Variants in KAZN observed in about 807,000 individuals in gnomAD.
KAZN encodes kazrin, periplakin interacting protein.
Under a neutral mutation model 87.4 loss-of-function variants are expected in KAZN, and 40 were observed. That is an observed-to-expected ratio of 0.46 (90% CI 0.36 to 0.60). The LOEUF is 0.60. KAZN is among the 20% of genes least tolerant of loss of function. The pLI is 0.00. For missense variants in KAZN, 898 were observed against 1,073.9 expected (o/e 0.84, Z 2.29); for synonymous variants, 466 against 458.3 (o/e 1.02, Z -0.22).
chr1:14,654,286 T>G (rs534517402), intron 1 of KAZN, among the ~76,000 whole-genome samples: 28 of 58,270 alleles, frequency 4.8e-4, no homozygotes, highest in Admixed American at 4.0e-3. Flanking sequence ...AGGCTTCGTC[T>G]CAAAAAAAAA....
At chr1:14,465,063 G>T (rs1331007010) in intron 2 of KAZN, among the ~76,000 whole-genome samples, 1 of 152,104 alleles carries the variant, frequency 6.6e-6, no homozygotes, top group Non-Finnish European at 1.5e-5. Flanking sequence ...GAGGTCATTT[G>T]CTGCTATTTA....
intron 1 of KAZN, among the ~76,000 whole-genome samples, chr1:14,771,921 G>C (rs957726779): frequency 2.0e-5 from 3 of 152,148 alleles, no homozygotes; most frequent in Non-Finnish European, 4.4e-5. Flanking sequence ...TGAGATCAAG[G>C]ATATGAAATT....
intron 1 of KAZN, among the ~76,000 whole-genome samples, chr1:14,898,370 GA>G (rs1249799665): frequency 1.3e-5 from 2 of 152,208 alleles, no homozygotes; most frequent in African/African-American, 4.8e-5. Flanking sequence ...CAGAAGAGCA[GA>G]AATGTGGTCC....
chr1:14,181,850 T>C (rs1570955178), intron 2 of KAZN, among the ~76,000 whole-genome samples: 1 of 152,180 alleles, frequency 6.6e-6, no homozygotes, highest in East Asian at 1.9e-4. Flanking sequence ...CTGGTCCCAA[T>C]CCTGTAGCCA....
intron 1 of KAZN, among the ~76,000 whole-genome samples, chr1:14,915,894 C>G (rs969215513): frequency 3.9e-5 from 6 of 152,196 alleles, no homozygotes; most frequent in Non-Finnish European, 8.8e-5. Flanking sequence ...AAGGCAGCAT[C>G]ATGGCTATGA....
At chr1:14,013,764 C>T (rs1278573524) in intron 1 of KAZN, among the ~76,000 whole-genome samples, 5 of 152,112 alleles carry the variant, frequency 3.3e-5, no homozygotes, top group South Asian at 2.1e-4. Flanking sequence ...AGCTTGTGTC[C>T]GGGGATGGCT....
intron 2 of KAZN, among the ~76,000 whole-genome samples, chr1:14,467,636 G>A (rs1668236772): frequency 1.2e-5 from 1 of 81,576 alleles, no homozygotes. Flanking sequence ...TTAATAAAAA[G>A]ATGGAAAAAG....
chr1:14,906,937 A>AGCTTTT (rs1656654996), intron 1 of KAZN, among the ~76,000 whole-genome samples: 1 of 151,662 alleles, frequency 6.6e-6, no homozygotes, highest in South Asian at 2.1e-4. Context: ...TTTGCACTGG[A>AGCTTTT]GCAGTGTTTT....
intron 1 of KAZN, among the ~76,000 whole-genome samples, chr1:14,722,252 C>T (rs570947047): frequency 3.5e-4 from 53 of 152,152 alleles, no homozygotes; most frequent in African/African-American, 1.1e-3. Context: ...TTTCCATGTG[C>T]GTTTTAGTAT....
Position 14,217,634 on chromosome 1 carries a change from C to T in KAZN, c.249+37042C>T, listed in dbSNP as rs984434962. 2.0e-5 allele frequency among the ~76,000 whole-genome samples: 3 copies of T among 151,924 alleles called. No homozygotes were observed. In the South Asian group the frequency reaches 6.2e-4, roughly 31 times the overall value. On this transcript the variant is annotated intron_variant, in intron 2 of 16. Transcript: ENST00000636203. ...TCAAAATGAGGGAACAAAAAAATAC[C>T]CAAAACTATAATTTCAAAAGTTTCC...
chr1:13,912,289 G>A (rs1295655527), intron 1 of KAZN, among the ~76,000 whole-genome samples: 2 of 152,202 alleles, frequency 1.3e-5, no homozygotes, highest in African/African-American at 4.8e-5. Flanking sequence ...GTCCGCGGCA[G>A]TTCCTTACTG....
chr1:14,869,602 G>A (rs74059634), intron 1 of KAZN, among the ~76,000 whole-genome samples: 3,163 of 152,284 alleles, frequency 0.021, 112 homozygotes, highest in African/African-American at 0.071. Flanking sequence ...GAATTGAAAG[G>A]GTCTTCTCCT....
At chr1:14,179,806 G>A (rs1253098607) in intron 1 of KAZN, among the ~76,000 whole-genome samples, 16 of 152,208 alleles carry the variant, frequency 1.1e-4, no homozygotes, top group Non-Finnish European at 4.4e-5. Context: ...CTGTGATCAA[G>A]TCCATTGTAG....
At chr1:14,251,890 C>G (rs1377344346) in intron 2 of KAZN, among the ~76,000 whole-genome samples, 1 of 151,904 alleles carries the variant, frequency 6.6e-6, no homozygotes, top group Non-Finnish European at 1.5e-5. Flanking sequence ...CTCAAGTGAT[C>G]CACCTGCCTC....
At chr1:15,026,541 C>A (rs1671179061) in intron 2 of KAZN, among the ~76,000 whole-genome samples, 1 of 152,016 alleles carries the variant, frequency 6.6e-6, no homozygotes, top group African/African-American at 2.4e-5. Flanking sequence ...AACCTGGGAC[C>A]CCCACCCCCA....
At chr1:15,010,833 A>G (rs1218712711) in intron 2 of KAZN, among the ~76,000 whole-genome samples, 1 of 152,156 alleles carries the variant, frequency 6.6e-6, no homozygotes, top group Non-Finnish European at 1.5e-5. Flanking sequence ...AGACCCCTCC[A>G]TCATCTACTG....
chr1:15,004,718 G>A (rs1425291173), intron 2 of KAZN, among the ~76,000 whole-genome samples: 3 of 152,042 alleles, frequency 2.0e-5, no homozygotes, highest in South Asian at 2.1e-4. Context: ...CTTTTTTATC[G>A]GATCTTGCTC....
chr1:14,112,193 T>C (rs1271233275), intron 1 of KAZN, among the ~76,000 whole-genome samples: 1 of 133,670 alleles, frequency 7.5e-6, no homozygotes, highest in Non-Finnish European at 1.6e-5. Flanking sequence ...GGCAAGCCAG[T>C]GAGGTTTCTC....
intron 2 of KAZN, among the ~76,000 whole-genome samples, chr1:14,496,799 A>G (rs560331451): frequency 6.6e-6 from 1 of 152,204 alleles, no homozygotes; most frequent in East Asian, 1.9e-4. Context: ...ATTCACATGT[A>G]CATTCTTAAA....
Sources: gnomAD v4.1 joint callset for allele counts (sites outside exome capture counted in the v4.1 genomes callset) on GRCh38, gnomAD v4.1.1 for gene constraint, MANE v1.5 for transcripts, NCBI Gene and HGNC (gene_info 2026-07-23, HGNC 2026-07-21) for gene names.